SH3TC1: variants seen among roughly 807,000 people sequenced by gnomAD.
SH3TC1 encodes SH3 domain and tetratricopeptide repeat-containing protein 1.
In SH3TC1, 135 loss-of-function variants were observed where a neutral mutation model predicts 117.3. That is an observed-to-expected ratio of 1.15 (90% confidence interval 1.00 to 1.33). The LOEUF is 1.33. SH3TC1 is among the 40% of genes most tolerant of loss of function. SH3TC1 has a pLI of 0.00. For missense variants in SH3TC1, 2,092 were observed against 1,794.3 expected (o/e 1.17, Z -3.00); for synonymous variants, 898 against 816.9 (o/e 1.10, Z -1.69).
At chr4:8,184,679 G>A (rs1276328706) in intron 1 of SH3TC1, among the ~76,000 whole-genome samples, 1 of 152,152 alleles carries the variant, frequency 6.6e-6, no homozygotes, top group Non-Finnish European at 1.5e-5. Context: ...GTGGCCGGCT[G>A]GAAAGCAACT....
At position 8,227,106 on chromosome 4, in the gene SH3TC1, C is replaced by G. The variant is rs757658301; in HGVS notation, c.1412C>G (p.Ala471Gly). ...QEPASWGLCA[A>G]SSDVSLQDPE... ...CCAGCGTCCTGGGGTCTCTGTGCGG[C>G]ATCCAGCGACGTGAGCTTGCAGGAC... The change falls in exon 12 of 18, where the codon GCA (alanine) becomes GGA (glycine). Residue 471 changes from alanine to glycine, a missense_variant. Physicochemically the swap from Ala to Gly is moderately conservative, Grantham distance 60 (BLOSUM62 0). Coordinates refer to ENST00000245105, the MANE Select transcript of SH3TC1 (RefSeq NM_018986.5). 9.3e-6 allele frequency: 15 copies of G among 1,612,638 alleles called. No homozygotes were observed. Among genetic ancestry groups the G allele is most frequent in the Middle Eastern group, 1.6e-4 (1 of 6,080 alleles).
Position 8,228,442 on chromosome 4 carries a change from G to C in SH3TC1, c.2748G>C (p.Ala916=). The part of the protein sequence containing the change: ...LANFGALCLH[A]GASRLAQHYL... The stretch of plus-strand genomic sequence containing the variant: ...ACTTCGGGGCCCTGTGCCTGCATGC[G>C]GGTGCCAGCAGGCTGGCCCAGCACT... Residue 916 remains alanine, a synonymous_variant, in exon 12 of 18, where the codon GCG becomes GCC. Transcript: ENST00000245105. 6.2e-7 allele frequency: 1 copy of C among 1,604,806 alleles called. No homozygotes were observed. The highest frequency in any genetic ancestry group is 1.3e-5 in the African/African-American group (1 of 74,970).
In SH3TC1 at chr4:8,232,113, C is replaced by T; in HGVS notation, c.3088C>T (p.Leu1030=). ...VADKVLEGQL[L]ETISQLYLSL... is the part of the protein sequence containing the mutation. ...CGACAAGGTGCTGGAGGGGCAGCTCCTGGAGACCATCAGCCAGCTCTACCT... is the reference window on the plus strand; with the variant it reads ...CGACAAGGTGCTGGAGGGGCAGCTCTTGGAGACCATCAGCCAGCTCTACCT... Residue 1030 remains leucine (L), a synonymous_variant, in exon 13 of 18, where the codon CTG becomes TTG. Coordinates refer to ENST00000245105, the MANE Select transcript of SH3TC1 (RefSeq NM_018986.5). 4 of 1,611,248 alleles carry T rather than the reference C, an allele frequency of 2.5e-6. No individual in the cohort carries two copies. Among genetic ancestry groups the T allele is most frequent in the Non-Finnish European group, 3.4e-6 (4 of 1,179,742 alleles).
chr4:8,219,786 C>T (rs1238923743), intron 9 of SH3TC1, among the ~76,000 whole-genome samples: 5 of 152,206 alleles, frequency 3.3e-5, no homozygotes, highest in Non-Finnish European at 7.4e-5. Flanking sequence ...ATCATCTTTC[C>T]GTGGCTACCG....
chr4:8,208,140 C>T (rs1718354175), intron 2 of SH3TC1, among the ~76,000 whole-genome samples: 1 of 152,272 alleles, frequency 6.6e-6, no homozygotes, highest in Non-Finnish European at 1.5e-5. Context: ...GCAGGATCTG[C>T]ATGGCCTGCA....
chr4:8,220,066 C>T (rs941627823), intron 9 of SH3TC1, among the ~76,000 whole-genome samples: 7 of 152,162 alleles, frequency 4.6e-5, no homozygotes, highest in African/African-American at 1.2e-4. Flanking sequence ...CATCTCCTAG[C>T]ACCCATCCAA....
At position 8,216,151 on chromosome 4, in the gene SH3TC1, G is replaced by A. The variant is rs772967425; in HGVS notation, c.522G>A (p.Gln174=). The stretch of plus-strand genomic sequence containing the variant: ...GCCTGGCAAACCTGCTCATGGACCA[G>A]GCCTTCTGGCTGCTCTTGCCCAGTG... ...HHCLANLLMD[Q]AFWLLLPSEE... The change falls in exon 6 of 18, where the codon CAG becomes CAA. Residue 174 remains glutamine, a synonymous_variant. Transcript: ENST00000245105. 3 of 1,613,756 alleles carry A rather than the reference G, an allele frequency of 1.9e-6. No individual in the cohort carries two copies. The highest frequency in any genetic ancestry group is 1.1e-5 in the South Asian group (1 of 91,060).
At chr4:8,228,732 T>G (rs1720837229) in intron 12 of SH3TC1, 88 bp downstream of exon 12, 4 of 1,118,984 alleles carry the variant, frequency 3.6e-6, no homozygotes, top group Non-Finnish European at 3.7e-6. Flanking sequence ...CAAGCGGTGG[T>G]TTTTCCACCA....
chr4:8,235,778 G>T, intron 15 of SH3TC1: 1 of 496,402 alleles, frequency 2.0e-6, no homozygotes. Context: ...TGCACCCGAT[G>T]ATCTCAAGCA....
chr4:8,205,542 A>G lies in SH3TC1; in HGVS notation c.172+176A>G. 1 of 929,906 alleles carries G rather than the reference A, an allele frequency of 1.1e-6. No individual in the cohort carries two copies. 57.6% of individuals were successfully genotyped at this position (929,906 alleles called of 1,614,324 possible). On this transcript the variant is annotated intron_variant, in intron 2 of 17. Transcript: ENST00000245105. The surrounding 1 kb of genome is among the most constrained non-coding windows in gnomAD (Gnocchi z 5.4). ...CCCCCGCGTGTGTTTAACAGGAGCCACTGTGCCCGCTGAGTCACTTGAGAG... is the reference window on the plus strand; with the variant it reads ...CCCCCGCGTGTGTTTAACAGGAGCCGCTGTGCCCGCTGAGTCACTTGAGAG...
chr4:8,233,608 A>T, intron 14 of SH3TC1, 95 bp downstream of exon 14: 1 of 1,401,640 alleles, frequency 7.1e-7, no homozygotes, highest in Non-Finnish European at 9.5e-7. Context: ...TCCTTCCATC[A>T]TCTATCCATT....
upstream of SH3TC1, among the ~76,000 whole-genome samples, chr4:8,196,795 G>A (rs554691236): frequency 3.1e-3 from 479 of 152,238 alleles, 2 homozygotes; most frequent in Middle Eastern, 0.017. The surrounding 1 kb of genome is among the most constrained non-coding windows in gnomAD (Gnocchi z 4.6). Context: ...AGTCCAGGAG[G>A]GGCTTCAGGA....
intron 1 of SH3TC1, among the ~76,000 whole-genome samples, chr4:8,188,054 A>G (rs887249119): frequency 6.6e-6 from 1 of 152,214 alleles, no homozygotes; most frequent in Non-Finnish European, 1.5e-5. Flanking sequence ...CTGATGCGAC[A>G]AGACACTCCA....
intron 1 of SH3TC1, among the ~76,000 whole-genome samples, chr4:8,187,459 G>T (rs915006263): frequency 2.6e-5 from 4 of 152,162 alleles, no homozygotes; most frequent in African/African-American, 7.2e-5. Flanking sequence ...TTTTGCCCGG[G>T]GGGGTCTGTC....
Position 8,227,209 on chromosome 4 carries a change from C to T in SH3TC1, c.1515C>T (p.Phe505=). 1.3e-6 allele frequency: 2 copies of T among 1,562,314 alleles called. No individual in the cohort carries two copies. The highest frequency in any genetic ancestry group is 1.7e-6 in the Non-Finnish European group (2 of 1,151,192). The change falls in exon 12 of 18, where the codon TTC becomes TTT. Residue 505 remains phenylalanine (F), a synonymous_variant. Transcript: ENST00000245105. ...AGGCCCTGAGCTCACTGCTGCTGTT[C>T]CTGAACGCCCCTGGGTACAAGGCCA... The part of the protein sequence containing the change: ...DPEALSSLLL[F]LNAPGYKASF...
In SH3TC1 at chr4:8,206,974, T is replaced by C. The variant is rs974364731; in HGVS notation, c.172+1608T>C. 2.6e-5 allele frequency among the ~76,000 whole-genome samples: 4 copies of C among 151,918 alleles called. No individual in the cohort carries two copies. The highest frequency in any genetic ancestry group is 9.7e-5 in the African/African-American group (4 of 41,348). On this transcript the variant is annotated intron_variant, in intron 2 of 17. Transcript: ENST00000245105. This position sits in a 1 kb window ranked among gnomAD's most constrained non-coding sequence, Gnocchi z 5.5. ...CAGTACATTCTCTTATATAACCGCA[T>C]TGTAATTATTTCAATGTTAATTCCC... is the stretch of plus-strand genomic sequence containing the variant.
upstream of SH3TC1, among the ~76,000 whole-genome samples, chr4:8,194,993 C>T (rs1717516652): frequency 1.3e-5 from 2 of 152,154 alleles, no homozygotes; most frequent in Admixed American, 1.3e-4. Flanking sequence ...CTGGTTCTGC[C>T]ACATAGGAGC....
rs201203851 is a variant in SH3TC1 at position 8,228,117 on chromosome 4, T to C, written c.2423T>C (p.Phe808Ser). 213 of 1,611,884 alleles carry C rather than the reference T, an allele frequency of 1.3e-4. No individual in the cohort carries two copies. Among genetic ancestry groups the C allele is most frequent in the Non-Finnish European group, 1.7e-4 (200 of 1,179,352 alleles). Residue 808 changes from phenylalanine (F) to serine (S), a missense_variant, in exon 12 of 18, where the codon TTC becomes TCC. Transcript: ENST00000245105. ...GGCTGCCACGGCCCGGCCATCACCT[T>C]CATGACGCAGGCAGTGGAAGCCAGT... ...HHGCHGPAIT[F>S]MTQAVEASAI...
chr4:8,219,696 T>C (rs1421053158), intron 9 of SH3TC1, among the ~76,000 whole-genome samples, 166 bp downstream of exon 9: 1 of 152,224 alleles, frequency 6.6e-6, no homozygotes, highest in African/African-American at 2.4e-5. Context: ...CCCCAGTGCC[T>C]GACTCCAGGG....
Sources: allele counts gnomAD v4.1 joint callset (sites outside exome capture counted in the v4.1 genomes callset), GRCh38; gene constraint gnomAD v4.1.1; non-coding constraint Gnocchi (gnomAD v3.1); transcripts MANE v1.5; gene names NCBI Gene and HGNC (gene_info 2026-07-23, HGNC 2026-07-21).